ITPR2: variants seen among roughly 807,000 people sequenced by gnomAD.
The protein encoded by ITPR2 is inositol 1,4,5-trisphosphate receptor type 2, also known as inositol 1,4,5-trisphosphate-gated calcium channel ITPR2.
A neutral mutation model predicts 317.1 loss-of-function variants in ITPR2; 207 were observed. The ratio of observed to expected loss-of-function variants is 0.65; its 90% CI spans 0.58 to 0.73. The LOEUF is 0.73. ITPR2 is among the 30% of genes least tolerant of loss of function. The pLI is 0.00. For synonymous variants in ITPR2, 1,156 were observed against 1,149.1 expected (o/e 1.01, Z -0.12); for missense variants, 2,613 against 3,284.0 (o/e 0.80, Z 4.99).
chr12:26,744,962 G>C (rs1226103006), intron 2 of ITPR2, among the ~76,000 whole-genome samples: 1 of 152,230 alleles, frequency 6.6e-6, no homozygotes, highest in East Asian at 1.9e-4. Context: ...CAGATTGTCA[G>C]AAGTTTTCTG....
chr12:26,405,634 A>G (rs990561336), intron 52 of ITPR2, among the ~76,000 whole-genome samples: 1 of 152,196 alleles, frequency 6.6e-6, no homozygotes, highest in Non-Finnish European at 1.5e-5. Context: ...TTCTGCTTTA[A>G]TAATTAAATT....
Position 26,657,755 on chromosome 12 carries a change from T to C in ITPR2, c.2144A>G (p.Glu715Gly). ...GTCAGCTTTGGTGCCTTCTTTTGCC[T>C]CTTGAGCAAGGTGCCTGATAGCTTT... is the stretch of plus-strand genomic sequence containing the variant. ...HGKAIRHLAQ[E>G]AKEGTKADLE... Residue 715 changes from glutamate (E) to glycine (G), a missense_variant, in exon 18 of 57, where the codon GAG becomes GGG. Physicochemically the swap from Glu to Gly is moderately conservative, Grantham distance 98 (BLOSUM62 -2). This residue lies in a region of ITPR2 where 817 missense variants were observed against 897.6 expected (regional missense o/e 0.91). Transcript: ENST00000381340. 6.2e-7 allele frequency: 1 copy of C among 1,614,178 alleles called. No individual in the cohort carries two copies. The highest frequency in any genetic ancestry group is 8.5e-7 in the Non-Finnish European group (1 of 1,180,016).
At chr12:26,684,655 C>T (rs1425408521) in intron 11 of ITPR2, among the ~76,000 whole-genome samples, 8 of 152,172 alleles carry the variant, frequency 5.3e-5, no homozygotes, top group African/African-American at 1.9e-4. Flanking sequence ...CTGAATAGGG[C>T]TTCCACAGTT....
intron 1 of ITPR2, among the ~76,000 whole-genome samples, chr12:26,823,507 C>T (rs1950968773): frequency 6.6e-6 from 1 of 152,174 alleles, no homozygotes; most frequent in Admixed American, 6.5e-5. Context: ...AGCTTAATAT[C>T]TGGCATCTCT....
intron 21 of ITPR2, chr12:26,649,117 T>G (rs563508193): frequency 6.8e-4 from 104 of 152,264 alleles, no homozygotes; most frequent in African/African-American, 2.4e-3. Flanking sequence ...GTTGCAAGAA[T>G]AGTACAAAGA....
At chr12:26,562,489 C>T (rs1165372371) in intron 34 of ITPR2, among the ~76,000 whole-genome samples, 1 of 152,146 alleles carries the variant, frequency 6.6e-6, no homozygotes, top group Non-Finnish European at 1.5e-5. Flanking sequence ...AACAAGTTTA[C>T]ATCACAACAA....
intron 50 of ITPR2, among the ~76,000 whole-genome samples, chr12:26,416,754 C>T (rs1940733051): frequency 6.6e-6 from 1 of 152,156 alleles, no homozygotes; most frequent in South Asian, 2.1e-4. Flanking sequence ...AACTAATGCA[C>T]ATTCAACTTC....
chr12:26,648,598 G>C (rs1445329654), intron 21 of ITPR2, among the ~76,000 whole-genome samples: 1 of 132,192 alleles, frequency 7.6e-6, no homozygotes, highest in Non-Finnish European at 1.6e-5. Context: ...TACAGTATGA[G>C]AGGAGTCCAT....
At chr12:26,825,061 A>G (rs974686222) in intron 1 of ITPR2, among the ~76,000 whole-genome samples, 3 of 152,080 alleles carry the variant, frequency 2.0e-5, no homozygotes, top group Non-Finnish European at 4.4e-5. Context: ...GCAACACCCT[A>G]TCTCTACTAA....
chr12:26,665,111 T>C (rs1423609153), intron 14 of ITPR2, among the ~76,000 whole-genome samples: 1 of 152,230 alleles, frequency 6.6e-6, no homozygotes, highest in Non-Finnish European at 1.5e-5. Flanking sequence ...TTTACTGACG[T>C]GTTATGAACA....
chr12:26,666,162 AT>A (rs1555173885), intron 13 of ITPR2, 111 bp from the exon 14 acceptor site: 3 of 398,866 alleles, frequency 7.5e-6, no homozygotes, highest in Non-Finnish European at 1.3e-5. Context: ...AGATAGATAG[AT>A]TTTTTTTTAC....
intron 48 of ITPR2, among the ~76,000 whole-genome samples, chr12:26,432,991 G>C (rs985656313): frequency 6.6e-6 from 1 of 152,176 alleles, no homozygotes; most frequent in African/African-American, 2.4e-5. Flanking sequence ...CACCAGCACA[G>C]AGCTTTCCTT....
rs1946317496 is a variant in ITPR2, at chr12:26,613,571, C to T, written c.3462+7552G>A. 4.0e-5 allele frequency among the ~76,000 whole-genome samples: 6 copies of T among 151,856 alleles called. No individual in the cohort carries two copies. In the South Asian group the frequency reaches 1.3e-3, roughly 32 times the overall value. On this transcript the variant is annotated intron_variant, in intron 26 of 56. Coordinates refer to ENST00000381340, the MANE Select transcript of ITPR2 (RefSeq NM_002223.4). The stretch of plus-strand genomic sequence containing the variant: ...TTGCTATATCATACACAGACACACA[C>T]ACACACACACACACACACGGCAAAA...
intron 45 of ITPR2, among the ~76,000 whole-genome samples, chr12:26,464,673 T>A (rs776004729): frequency 7.2e-5 from 11 of 152,190 alleles, no homozygotes; most frequent in Non-Finnish European, 1.5e-4. Flanking sequence ...CTGGGTGACA[T>A]TCATGAGTAA....
At chr12:26,589,206 C>T (rs111901115) in intron 32 of ITPR2, among the ~76,000 whole-genome samples, 1 of 152,112 alleles carries the variant, frequency 6.6e-6, no homozygotes, top group South Asian at 2.1e-4. Context: ...GATACTGTCT[C>T]TGTCAGGATA....
intron 21 of ITPR2, among the ~76,000 whole-genome samples, chr12:26,650,786 G>A (rs1360835226): frequency 1.3e-5 from 2 of 152,130 alleles, no homozygotes; most frequent in Admixed American, 6.5e-5. Context: ...TGTACCCTCT[G>A]GGAGTGGTAA....
chr12:26,468,021 T>A (rs565456345), intron 45 of ITPR2, among the ~76,000 whole-genome samples: 9 of 152,320 alleles, frequency 5.9e-5, no homozygotes, highest in African/African-American at 2.2e-4. Context: ...AGGTCCGACA[T>A]ACATGACACA....
At chr12:26,775,961 C>CATACATATATA (rs1555189746) in intron 2 of ITPR2, among the ~76,000 whole-genome samples, 1 of 65,652 alleles carries the variant, frequency 1.5e-5, no homozygotes, top group Non-Finnish European at 3.9e-5. Context: ...TATGTATATC[C>CATACATATATA]TATTAGTTCT....
chr12:26,597,170 G>A (rs375416603), intron 30 of ITPR2, 36 bp from the exon 31 acceptor site: 445 of 1,609,200 alleles, frequency 2.8e-4, no homozygotes, highest in Non-Finnish European at 3.3e-4. Flanking sequence ...GTAGCAGTCC[G>A]AACATTCATC....
Sources: gnomAD v4.1 joint callset for allele counts (sites outside exome capture counted in the v4.1 genomes callset) on GRCh38, gnomAD v4.1.1 for gene constraint, gnomAD v4.1.1 regional missense constraint, MANE v1.5 for transcripts, NCBI Gene and HGNC (gene_info 2026-07-23, HGNC 2026-07-21) for gene names.